Variants in EIF5A observed in about 807,000 individuals in gnomAD.
EIF5A encodes the protein eukaryotic translation initiation factor 5A-1.
A neutral mutation model predicts 16.6 loss-of-function variants in EIF5A; 1 was observed. The observed-to-expected ratio is 0.06, with a 90% CI of 0.02 to 0.28. The LOEUF (loss-of-function observed/expected upper bound fraction) is 0.28, where lower values mean the gene tolerates loss of function less well. Among genes scored for constraint, EIF5A ranks in the 10% least tolerant of loss-of-function variants. The pLI is 1.00. For synonymous variants in EIF5A, 80 were observed against 73.6 expected (o/e 1.09, Z -0.44); for missense variants, 29 against 196.1 (o/e 0.15, Z 5.09).
intron 2 of EIF5A, chr17:7,310,608 C>G: frequency 2.0e-6 from 2 of 985,360 alleles, no homozygotes; most frequent in Non-Finnish European, 2.4e-6. Context: ...TTCTTCAGCT[C>G]TTTCACATTT....
At chr17:7,308,989 C>G (rs2072727682) in intron 1 of EIF5A, among the ~76,000 whole-genome samples, 2 of 152,164 alleles carry the variant, frequency 1.3e-5, no homozygotes, top group Non-Finnish European at 2.9e-5. Context: ...GAACCAAGAT[C>G]GAGGTGTTTG....
chr17:7,310,096 C>T (rs2072771313), intron 2 of EIF5A: 2 of 1,385,010 alleles, frequency 1.4e-6, no homozygotes, highest in Non-Finnish European at 9.5e-7. Flanking sequence ...TATTCAGTTG[C>T]TCCTTCCTTA....
chr17:7,311,169 G>T (rs1391414969), intron 3 of EIF5A, 47 bp downstream of exon 3: 1 of 1,602,156 alleles, frequency 6.2e-7, no homozygotes, highest in Non-Finnish European at 8.5e-7. Flanking sequence ...TTATGGTGGA[G>T]GGAGGGGTTG....
At chr17:7,308,328 C>A (rs1040267269) in intron 1 of EIF5A, 2 of 1,171,926 alleles carry the variant, frequency 1.7e-6, no homozygotes, top group African/African-American at 1.6e-5. Context: ...GACCCCTCCC[C>A]CCAGGTCCCG....
intron 2 of EIF5A, 93 bp downstream of exon 2, chr17:7,309,893 T>A (rs1238850613): frequency 6.2e-7 from 1 of 1,612,614 alleles, no homozygotes; most frequent in Admixed American, 1.7e-5. Context: ...GACTTTCCTT[T>A]AACTCTGCTT....
At chr17:7,308,863 C>G (rs1051004323) in intron 1 of EIF5A, among the ~76,000 whole-genome samples, 1 of 152,210 alleles carries the variant, frequency 6.6e-6, no homozygotes, top group African/African-American at 2.4e-5. Flanking sequence ...CACCCCCCAC[C>G]TCTCCCACTT....
chr17:7,308,276 C>T (rs1022657965), intron 1 of EIF5A: 5 of 1,072,612 alleles, frequency 4.7e-6, no homozygotes, highest in African/African-American at 1.7e-5. Flanking sequence ...GGGTCGCAGG[C>T]CGCATGGCCA....
chr17:7,309,482 C>A (rs576767338), intron 1 of EIF5A, 133 bp from the exon 2 acceptor site: 7 of 1,228,166 alleles, frequency 5.7e-6, no homozygotes, highest in Non-Finnish European at 8.0e-6. Context: ...ATTTTAAGTT[C>A]AGGAACTTTG....
intron 3 of EIF5A, 89 bp downstream of exon 3, chr17:7,311,211 TGG>T: frequency 1.9e-6 from 3 of 1,580,428 alleles, no homozygotes; most frequent in Non-Finnish European, 2.6e-6. Context: ...GAGCTTGTGC[TGG>T]GAGAGAGGAG....
rs746996013 is a variant in EIF5A, at chr17:7,311,004, A to T, written c.166-14A>T. 3.1e-6 allele frequency: 5 copies of T among 1,604,944 alleles called. No individual in the cohort carries two copies. The highest frequency in any genetic ancestry group is 4.3e-6 in the Non-Finnish European group (5 of 1,174,306). On this transcript the variant is annotated splice_polypyrimidine_tract_variant and intron_variant, in intron 2 of 5. Coordinates refer to ENST00000336458, the MANE Select transcript of EIF5A (RefSeq NM_001970.5). ...GAGTTTGGTTGGGTTTCTCTTTGTG[A>T]TGCATACATACAGGTCCATCTGGTT...
intron 1 of EIF5A, 29 bp from the exon 2 acceptor site, chr17:7,309,586 A>C (rs754164294): frequency 6.2e-7 from 1 of 1,613,472 alleles, no homozygotes. Context: ...CTCCATGCTT[A>C]TTCACTTCAG....
At chr17:7,308,441 G>C (rs1340922311) in intron 1 of EIF5A, 1 of 1,329,030 alleles carries the variant, frequency 7.5e-7, no homozygotes, top group Non-Finnish European at 9.9e-7. Context: ...GAGATTTTGA[G>C]GAGTGGAAGC....
At chr17:7,310,064 T>C (rs955323682) in intron 2 of EIF5A, 2 of 1,457,356 alleles carry the variant, frequency 1.4e-6, no homozygotes, top group Non-Finnish European at 1.8e-6. Flanking sequence ...TCTCTTCAAT[T>C]CATAGGCCTT....
In EIF5A at chr17:7,311,831, G is replaced by A. The variant is rs989955965; in HGVS notation, c.*21G>A. 26 of 859,728 alleles carry A rather than the reference G, an allele frequency of 3.0e-5. No homozygotes were observed. Among genetic ancestry groups the A allele is most frequent in the Non-Finnish European group, 4.6e-5 (25 of 549,364 alleles). 53.3% of individuals were successfully genotyped at this position (859,728 alleles called of 1,614,324 possible). On this transcript the variant is annotated 3_prime_UTR_variant, in exon 6 of 6. Transcript: ENST00000336458. ...TCTCTCTCCTACCTAGGGTGGCGGT[G>A]GTGGCAGCAGTGATCCTCTGAACCT...
upstream of EIF5A, chr17:7,307,101 A>T (rs764723210): frequency 6.2e-7 from 1 of 1,600,738 alleles, no homozygotes; most frequent in South Asian, 1.1e-5. Context: ...CCACAGAGCA[A>T]GTTTTCTGAA....
chr17:7,307,037 T>C (rs1342189308), upstream of EIF5A: 31 of 1,589,028 alleles, frequency 2.0e-5, no homozygotes, highest in Non-Finnish European at 2.7e-5. Context: ...CGGAAAGACA[T>C]CTCCCGCGCA....
rs186113223 is a variant in EIF5A, at chr17:7,310,688, G to C, written c.166-330G>C. 4 of 985,078 alleles carry C rather than the reference G, an allele frequency of 4.1e-6. No individual in the cohort carries two copies. In the African/African-American group the frequency reaches 7.0e-5, roughly 17 times the overall value. The allele number at this position is 985,078 out of a possible 1,614,324, so 61.0% of individuals were successfully genotyped here. ...TTCTCAGCTCCTTCTCCTGGTGTCCGGAAAACTCTTCGAAACTTTTACTCA... is the reference window on the plus strand; with the variant it reads ...TTCTCAGCTCCTTCTCCTGGTGTCCCGAAAACTCTTCGAAACTTTTACTCA... On this transcript the variant is annotated intron_variant, in intron 2 of 5. Coordinates refer to ENST00000336458, the MANE Select transcript of EIF5A (RefSeq NM_001970.5).
chr17:7,308,861 A>G (rs923758050), intron 1 of EIF5A, among the ~76,000 whole-genome samples: 1 of 151,306 alleles, frequency 6.6e-6, no homozygotes, highest in Non-Finnish European at 1.5e-5. Context: ...ACCACCCCCC[A>G]CCTCTCCCAC....
intron 3 of EIF5A, 34 bp downstream of exon 3, chr17:7,311,156 G>C: frequency 6.2e-7 from 1 of 1,608,112 alleles, no homozygotes; most frequent in Non-Finnish European, 8.5e-7. Context: ...ATGGGTTAGC[G>C]GTTTATGGTG....
Sources: gnomAD v4.1 joint callset for allele counts (sites outside exome capture counted in the v4.1 genomes callset) on GRCh38, gnomAD v4.1.1 for gene constraint, MANE v1.5 for transcripts, NCBI Gene and HGNC (gene_info 2026-07-23, HGNC 2026-07-21) for gene names.